Variants in KHDRBS2 observed in about 807,000 individuals in gnomAD.
KHDRBS2 encodes the protein KH RNA binding domain containing, signal transduction associated 2, also known as KH domain-containing, RNA-binding, signal transduction-associated protein 2.
A neutral mutation model predicts 44.3 loss-of-function variants in KHDRBS2; 26 were observed. The observed-to-expected ratio is 0.59, with a 90% CI of 0.43 to 0.81. The LOEUF (loss-of-function observed/expected upper bound fraction) is 0.81. KHDRBS2 is among the 40% of genes least tolerant of loss of function. The pLI, the probability that KHDRBS2 is intolerant of heterozygous loss-of-function variation, is 0.00. For synonymous variants in KHDRBS2, 194 were observed against 151.1 expected (o/e 1.28, Z -2.08); for missense variants, 476 against 433.1 (o/e 1.10, Z -0.88).
At chr6:61,567,599 C>G in the KHDRBS2 span, among the ~76,000 whole-genome samples, 1 of 152,136 alleles carries the variant, frequency 6.6e-6, no homozygotes, top group Non-Finnish European at 1.5e-5. Context: ...GGTGTTCGTG[C>G]CACTGCACAC....
chr6:61,880,069 T>G (rs1799992143), intron 6 of KHDRBS2, among the ~76,000 whole-genome samples: 1 of 151,862 alleles, frequency 6.6e-6, no homozygotes, highest in African/African-American at 2.4e-5. Flanking sequence ...TAAGTTGAAG[T>G]AGGCAAATCA....
At chr6:61,839,069 C>T (rs950975445) in intron 6 of KHDRBS2, among the ~76,000 whole-genome samples, 1 of 152,036 alleles carries the variant, frequency 6.6e-6, no homozygotes, top group Non-Finnish European at 1.5e-5. Context: ...GCACTTCCCT[C>T]TGCTACAACT....
chr6:61,737,974 A>G (rs1345030152), intron 6 of KHDRBS2, among the ~76,000 whole-genome samples: 1 of 151,994 alleles, frequency 6.6e-6, no homozygotes, highest in Admixed American at 6.6e-5. Flanking sequence ...ATGCTCCCTA[A>G]AAAGCCAGTC....
chr6:61,974,845 C>T (rs1209217273), intron 4 of KHDRBS2, among the ~76,000 whole-genome samples: 3 of 151,910 alleles, frequency 2.0e-5, no homozygotes, highest in East Asian at 1.9e-4. Flanking sequence ...GCAGGAGAAT[C>T]GCTTGAACCC....
chr6:61,924,736 T>C (rs1654593124), intron 4 of KHDRBS2, among the ~76,000 whole-genome samples: 2 of 151,906 alleles, frequency 1.3e-5, no homozygotes, highest in South Asian at 4.1e-4. Context: ...ATATTCTATT[T>C]AATATTTAGT....
intron 4 of KHDRBS2, among the ~76,000 whole-genome samples, chr6:61,926,225 A>G (rs185003974): frequency 7.2e-5 from 11 of 152,250 alleles, no homozygotes; most frequent in Admixed American, 5.9e-4. Context: ...GGGACAATGT[A>G]TTTTTTAAAT....
At chr6:62,224,162 G>A (rs1008159459) in intron 1 of KHDRBS2, among the ~76,000 whole-genome samples, 1 of 152,186 alleles carries the variant, frequency 6.6e-6, no homozygotes. Context: ...ATGGCAGGAG[G>A]TGAAAGGCAC....
At chr6:61,544,043 A>G in the KHDRBS2 span, among the ~76,000 whole-genome samples, 9 of 152,100 alleles carry the variant, frequency 5.9e-5, no homozygotes, top group Non-Finnish European at 1.3e-4. Context: ...AGTATTTGAT[A>G]GCCCAATAAT....
chr6:62,069,250 T>C (rs1794446188), intron 2 of KHDRBS2, among the ~76,000 whole-genome samples: 1 of 151,704 alleles, frequency 6.6e-6, no homozygotes, highest in African/African-American at 2.4e-5. Context: ...ATATGTGTTA[T>C]ATTCTGTATT....
the KHDRBS2 span, among the ~76,000 whole-genome samples, chr6:61,655,452 A>G: frequency 6.6e-6 from 1 of 152,002 alleles, no homozygotes; most frequent in African/African-American, 2.4e-5. Flanking sequence ...ACAGGGTTTC[A>G]CCATGTTGGT....
chr6:61,714,679 AAC>A (rs1382313696), intron 7 of KHDRBS2, among the ~76,000 whole-genome samples: 1 of 151,998 alleles, frequency 6.6e-6, no homozygotes, highest in Non-Finnish European at 1.5e-5. Flanking sequence ...GCATAAAGAA[AAC>A]ACAGTATATG....
chr6:62,158,618 GA>G (rs1816965085), intron 2 of KHDRBS2, among the ~76,000 whole-genome samples: 1 of 151,990 alleles, frequency 6.6e-6, no homozygotes. Context: ...TACAGGCAAG[GA>G]AAGAGGCCAG....
intron 6 of KHDRBS2, among the ~76,000 whole-genome samples, chr6:61,770,634 G>C (rs1214751806): frequency 6.6e-6 from 1 of 152,052 alleles, no homozygotes; most frequent in Non-Finnish European, 1.5e-5. Flanking sequence ...GAAGTTTAGG[G>C]GAAAAAGAAT....
chr6:61,764,623 G>C (rs1247261410), intron 6 of KHDRBS2, among the ~76,000 whole-genome samples: 1 of 152,106 alleles, frequency 6.6e-6, no homozygotes, highest in African/African-American at 2.4e-5. Flanking sequence ...TTTCTCTAAT[G>C]ATCAGTGATA....
At chr6:61,869,598 G>T (rs144188691) in intron 6 of KHDRBS2, among the ~76,000 whole-genome samples, 1 of 152,060 alleles carries the variant, frequency 6.6e-6, no homozygotes, top group Non-Finnish European at 1.5e-5. Flanking sequence ...GAACAGCTCC[G>T]GTCTGCAGCT....
chr6:61,585,208 A>G, the KHDRBS2 span, among the ~76,000 whole-genome samples: 2 of 151,950 alleles, frequency 1.3e-5, no homozygotes, highest in African/African-American at 4.8e-5. Context: ...TGAAAGAGTG[A>G]TAAAAAAAAA....
At chr6:62,233,854 T>C (rs2150161146) in intron 1 of KHDRBS2, among the ~76,000 whole-genome samples, 1 of 152,280 alleles carries the variant, frequency 6.6e-6, no homozygotes, top group East Asian at 1.9e-4. Flanking sequence ...CCACAGTGTA[T>C]ATGTACCACA....
At chr6:61,938,277 T>C (rs1232447902) in intron 4 of KHDRBS2, among the ~76,000 whole-genome samples, 3 of 152,024 alleles carry the variant, frequency 2.0e-5, no homozygotes, top group Admixed American at 2.0e-4. Context: ...AACAACAACA[T>C]AAAAAGGTTT....
chr6:62,010,472 G>A lies in KHDRBS2; in HGVS notation c.337-32260C>T, dbSNP rs568932024. ...GGGGACTGTTGGGAAGGCATGATTG[G>A]TTTTGAAATGTGAGGACATGAGATT... On this transcript the variant is annotated intron_variant, in intron 3 of 8. Transcript: ENST00000281156. 8.5e-4 allele frequency among the ~76,000 whole-genome samples: 130 copies of A among 152,266 alleles called. 1 individual carries two copies. The highest frequency in any genetic ancestry group is 1.6e-3 in the Non-Finnish European group (108 of 68,006).
Sources: gnomAD v4.1 joint callset for allele counts (sites outside exome capture counted in the v4.1 genomes callset) on GRCh38, gnomAD v4.1.1 for gene constraint, MANE v1.5 for transcripts, NCBI Gene and HGNC (gene_info 2026-07-23, HGNC 2026-07-21) for gene names.